The following TMC7 variants were observed in gnomAD, a reference collection of about 807,000 sequenced individuals.
TMC7 encodes transmembrane channel-like protein 7.
A neutral mutation model predicts 82.9 loss-of-function variants in TMC7; 54 were observed. The ratio of observed to expected loss-of-function variants is 0.65; its 90% confidence interval spans 0.52 to 0.82. The LOEUF (loss-of-function observed/expected upper bound fraction) is 0.82, where lower values mean the gene tolerates loss of function less well. Among genes scored for constraint, TMC7 ranks in the 40% least tolerant of loss-of-function variants. The probability of loss-of-function intolerance (pLI) is 0.00; values close to 1 mark genes in which losing one functional copy is unlikely to be tolerated. For missense variants in TMC7, 820 were observed against 901.2 expected, an observed-to-expected ratio of 0.91 and a Z score of 1.15; for synonymous variants, 350 against 337.9, an observed-to-expected ratio of 1.04 and a Z score of -0.39.
intron 5 of TMC7, 74 bp downstream of exon 5, chr16:19,023,269 C>T: frequency 2.1e-6 from 2 of 967,656 alleles, no homozygotes; most frequent in African/African-American, 1.6e-5. Context: ...ATCAGTTTCC[C>T]AAATTTCTGC....
intron 7 of TMC7, among the ~76,000 whole-genome samples, chr16:19,036,393 C>T (rs561630896): frequency 7.2e-5 from 11 of 152,320 alleles, no homozygotes; most frequent in Non-Finnish European, 1.2e-4. Flanking sequence ...CCTGTAGTCC[C>T]AGCTACTTGG....
intron 1 of TMC7, among the ~76,000 whole-genome samples, chr16:19,008,606 T>A (rs2039281393): frequency 6.6e-6 from 1 of 152,180 alleles, no homozygotes; most frequent in African/African-American, 2.4e-5. Context: ...CCAGCATCAC[T>A]TCTGCTGTGT....
intron 15 of TMC7, 82 bp downstream of exon 15, chr16:19,059,576 G>A (rs879486955): frequency 1.4e-5 from 23 of 1,612,786 alleles, no homozygotes; most frequent in Non-Finnish European, 1.9e-5. Flanking sequence ...TTCCTGGGAG[G>A]GAGTGAAATT....
intron 12 of TMC7, among the ~76,000 whole-genome samples, chr16:19,051,324 C>T (rs1260929473): frequency 6.7e-6 from 1 of 148,476 alleles, no homozygotes; most frequent in African/African-American, 2.5e-5. Context: ...CATATGTATA[C>T]ATGTGCCATG....
intron 2 of TMC7, among the ~76,000 whole-genome samples, chr16:19,014,976 T>C (rs1596744407): frequency 6.6e-6 from 1 of 152,104 alleles, no homozygotes; most frequent in African/African-American, 2.4e-5. Context: ...TTTTTTGTTT[T>C]TTTTTGATAT....
chr16:18,998,894 C>T (rs1406532682), intron 1 of TMC7, among the ~76,000 whole-genome samples: 3 of 152,282 alleles, frequency 2.0e-5, no homozygotes, highest in African/African-American at 7.2e-5. Context: ...GTCACCGGCC[C>T]CACCCAGGTG....
intron 1 of TMC7, among the ~76,000 whole-genome samples, chr16:18,987,309 T>C (rs1214001115): frequency 6.6e-6 from 1 of 151,844 alleles, no homozygotes; most frequent in Non-Finnish European, 1.5e-5. Flanking sequence ...TAGCAGTCTT[T>C]ATTTTATTAT....
chr16:19,002,234 C>CTT (rs558887362), intron 1 of TMC7, among the ~76,000 whole-genome samples: 15 of 127,088 alleles, frequency 1.2e-4, no homozygotes, highest in East Asian at 4.6e-4. Flanking sequence ...TGGAGGGCCG[C>CTT]TTTTTTTTTT....
chr16:19,030,105 CTG>C, intron 5 of TMC7, 117 bp from the exon 6 acceptor site: 1 of 1,036,190 alleles, frequency 9.7e-7, no homozygotes, highest in Admixed American at 2.3e-5. Context: ...GTTCCAGTCT[CTG>C]GGGATACAGA....
chr16:19,028,559 T>C (rs946372142), intron 5 of TMC7, among the ~76,000 whole-genome samples: 2 of 152,188 alleles, frequency 1.3e-5, no homozygotes, highest in African/African-American at 4.8e-5. Context: ...AAGGATGATG[T>C]TGAATCTGTA....
chr16:19,026,548 C>T (rs1220116422), intron 5 of TMC7, among the ~76,000 whole-genome samples: 2 of 151,550 alleles, frequency 1.3e-5, no homozygotes, highest in Non-Finnish European at 2.9e-5. Flanking sequence ...CTTTAGATTA[C>T]ATCCCACAAG....
chr16:19,046,199 C>T (rs1302012991), intron 11 of TMC7, among the ~76,000 whole-genome samples: 8 of 152,164 alleles, frequency 5.3e-5, no homozygotes, highest in Non-Finnish European at 1.0e-4. Context: ...CAGTGGACAC[C>T]TGTCTCCCGA....
At chr16:19,051,579 AAGGTTAGAGTG>A in intron 12 of TMC7, 96 bp from the exon 13 acceptor site, 4 of 1,317,088 alleles carry the variant, frequency 3.0e-6, no homozygotes. Flanking sequence ...ACCCTCTGGA[AAGGTTAGAGTG>A]ATTAACATTC....
chr16:19,061,783 T>C lies in TMC7; in HGVS notation c.2112T>C (p.Ser704=). 6.2e-7 allele frequency: 1 copy of C among 1,613,470 alleles called. No homozygotes were observed. Among genetic ancestry groups the C allele is most frequent in the Middle Eastern group, 1.7e-4 (1 of 6,054 alleles). The change falls in exon 16 of 16, where the codon AGT becomes AGC. Residue 704 remains serine (S), a synonymous_variant. Transcript: ENST00000304381. ...GTGAACTTATTATTTTTTAGGAAAG[T>C]CGTGACAAGTGCTACCTAATCCAGA... ...IQLREQLSLE[S]RDKCYLIQKL...
At chr16:19,051,656 C>A (rs1961546321) in intron 12 of TMC7, 30 bp from the exon 13 acceptor site, 3 of 1,611,178 alleles carry the variant, frequency 1.9e-6, no homozygotes, top group Non-Finnish European at 2.5e-6. Context: ...ACTTATTGAT[C>A]TTAATTTTTC....
chr16:19,051,143 G>T (rs538058979), intron 12 of TMC7, among the ~76,000 whole-genome samples: 62 of 151,698 alleles, frequency 4.1e-4, no homozygotes, highest in African/African-American at 1.5e-3. Context: ...CTGTGTTTTG[G>T]CCCATTTCCC....
intron 4 of TMC7, among the ~76,000 whole-genome samples, chr16:19,022,476 T>C (rs1349779030): frequency 6.6e-6 from 1 of 152,194 alleles, no homozygotes; most frequent in Non-Finnish European, 1.5e-5. Context: ...TAGATATGTT[T>C]AGATACACAA....
At chr16:19,048,485 G>A (rs1961388038) in intron 12 of TMC7, among the ~76,000 whole-genome samples, 1 of 152,088 alleles carries the variant, frequency 6.6e-6, no homozygotes, top group South Asian at 2.1e-4. Context: ...GCAATGGCAT[G>A]ATCTTGACTC....
At chr16:19,031,494 A>G (rs1161295378) in intron 6 of TMC7, among the ~76,000 whole-genome samples, 5 of 152,152 alleles carry the variant, frequency 3.3e-5, no homozygotes, top group African/African-American at 4.8e-5. Context: ...AAAGACCCAA[A>G]CACAATAGAA....
Sources: gnomAD v4.1 joint callset for allele counts (sites outside exome capture counted in the v4.1 genomes callset) on GRCh38, gnomAD v4.1.1 for gene constraint, MANE v1.5 for transcripts, NCBI Gene and HGNC (gene_info 2026-07-23, HGNC 2026-07-21) for gene names.